SLC38A9: variants seen among roughly 807,000 people sequenced by gnomAD.
SLC38A9 encodes solute carrier family 38 member 9, also known as neutral amino acid transporter 9.
A neutral mutation model predicts 62.3 loss-of-function variants in SLC38A9; 48 were observed. The observed-to-expected ratio is 0.77, with a 90% CI of 0.61 to 0.98. The LOEUF is 0.98. Ranked by LOEUF, SLC38A9 falls within the 50% of genes least tolerant of loss-of-function variation. SLC38A9 has a pLI of 0.00. For synonymous variants in SLC38A9, 204 were observed against 227.7 expected, an observed-to-expected ratio of 0.90 and a Z score of 0.94; for missense variants, 541 against 679.8, an observed-to-expected ratio of 0.80 and a Z score of 2.27.
At chr5:55,671,013 C>G (rs1751221135) in intron 4 of SLC38A9, among the ~76,000 whole-genome samples, 1 of 152,170 alleles carries the variant, frequency 6.6e-6, no homozygotes, top group Admixed American at 6.5e-5. Flanking sequence ...TAGCTACATT[C>G]CAGTGATGCC....
chr5:55,659,680 G>A (rs568268478), intron 8 of SLC38A9, among the ~76,000 whole-genome samples: 1 of 152,066 alleles, frequency 6.6e-6, no homozygotes, highest in Non-Finnish European at 1.5e-5. Flanking sequence ...GAGCCACTAA[G>A]CCCAAACAGA....
chr5:55,689,234 C>T (rs3846504), intron 3 of SLC38A9, among the ~76,000 whole-genome samples: 91,167 of 151,988 alleles, frequency 0.6, 27,922 homozygotes, highest in South Asian at 0.7. Context: ...TATGATTTTA[C>T]AGAAAACATA....
chr5:55,687,205 C>T (rs1384520528), intron 3 of SLC38A9, among the ~76,000 whole-genome samples: 2 of 150,304 alleles, frequency 1.3e-5, no homozygotes, highest in African/African-American at 4.9e-5. Context: ...TTTGGGAGGC[C>T]GAGGCGGGCG....
intron 3 of SLC38A9, among the ~76,000 whole-genome samples, chr5:55,685,240 C>T (rs971179073): frequency 1.3e-5 from 2 of 152,190 alleles, no homozygotes; most frequent in African/African-American, 4.8e-5. Context: ...TTTTTACCAT[C>T]CCAAAAGAAG....
At chr5:55,687,192 C>T (rs1322831388) in intron 3 of SLC38A9, among the ~76,000 whole-genome samples, 1 of 150,864 alleles carries the variant, frequency 6.6e-6, no homozygotes, top group African/African-American at 2.4e-5. Context: ...GTAATCCCAG[C>T]ACTTTGGGAG....
At position 55,626,548 on chromosome 5, in the gene SLC38A9, G is replaced by C; in HGVS notation, c.1632C>G (p.His544Gln). 6.2e-7 allele frequency: 1 copy of C among 1,613,338 alleles called. No individual in the cohort carries two copies. Among genetic ancestry groups the C allele is most frequent in the Non-Finnish European group, 8.5e-7 (1 of 1,179,686 alleles). The change falls in exon 16 of 16, where the codon CAC becomes CAG. Residue 544 changes from histidine (H) to glutamine (Q), a missense_variant. Transcript: ENST00000396865. ...ERLTWPKLIF[H>Q]VFIIILGVAN... ...CCACGCCCAAAATGATGATGAAAAC[G>C]TGGAAGATTAATTTAGGCCATGTCA...
chr5:55,669,070 G>A (rs958008092), intron 7 of SLC38A9, 158 bp downstream of exon 7: 1 of 459,448 alleles, frequency 2.2e-6, no homozygotes, highest in African/African-American at 2.0e-5. Flanking sequence ...AATATTATTA[G>A]CAAATCAATT....
intron 12 of SLC38A9, among the ~76,000 whole-genome samples, chr5:55,637,983 TA>T (rs202140774): frequency 0.049 from 7,419 of 150,280 alleles, 310 homozygotes; most frequent in African/African-American, 0.12. Context: ...ACAATAATAA[TA>T]AAAAAAAAGA....
intron 3 of SLC38A9, among the ~76,000 whole-genome samples, chr5:55,681,731 G>A (rs1007133699): frequency 2.0e-5 from 3 of 152,186 alleles, no homozygotes; most frequent in African/African-American, 7.2e-5. Flanking sequence ...ACAGCAGTAC[G>A]AAGTACAAGT....
chr5:55,700,566 C>T (rs1422364969), intron 2 of SLC38A9, among the ~76,000 whole-genome samples: 1 of 151,686 alleles, frequency 6.6e-6, no homozygotes, highest in African/African-American at 2.4e-5. Context: ...AATAACTGAA[C>T]TAAAGGAAAG....
At chr5:55,643,383 G>T (rs987347975) in intron 12 of SLC38A9, among the ~76,000 whole-genome samples, 1 of 152,038 alleles carries the variant, frequency 6.6e-6, no homozygotes, top group Non-Finnish European at 1.5e-5. Context: ...ACTCCATTAT[G>T]GTTAGAGAAC....
rs34016533 is a variant in SLC38A9 at position 55,667,228 on chromosome 5, G to GTT, written c.526+1998_526+1999dup. 2.4e-3 allele frequency among the ~76,000 whole-genome samples: 357 copies of GTT among 151,226 alleles called. 1 individual carries two copies. Among genetic ancestry groups the GTT allele is most frequent in the African/African-American group, 6.7e-3 (277 of 41,138 alleles). ...TCTTCTAGTTTTTATATTATTTAGG[G>GTT]TTTTTTTTGCTGCATTTGACAATAT... On this transcript the variant is annotated intron_variant, in intron 7 of 15. Coordinates refer to ENST00000396865, the MANE Select transcript of SLC38A9 (RefSeq NM_173514.4).
intron 13 of SLC38A9, chr5:55,635,248 T>C: frequency 2.7e-6 from 1 of 373,252 alleles, no homozygotes; most frequent in Non-Finnish European, 5.0e-6. Flanking sequence ...GAGAAATATA[T>C]GTACATAATA....
chr5:55,676,350 A>T (rs1169491915), intron 3 of SLC38A9, among the ~76,000 whole-genome samples: 1 of 152,062 alleles, frequency 6.6e-6, no homozygotes, highest in Non-Finnish European at 1.5e-5. Context: ...TAATTAAAAA[A>T]AATTTTTTTA....
At chr5:55,670,253 C>T (rs7732835) in intron 4 of SLC38A9, among the ~76,000 whole-genome samples, 28,628 of 152,122 alleles carry the variant, frequency 0.19, 2,757 homozygotes, top group Middle Eastern at 0.22. Flanking sequence ...CAGGCGTAAG[C>T]CACCACGCCT....
intron 7 of SLC38A9, among the ~76,000 whole-genome samples, chr5:55,665,976 T>A (rs1040928944): frequency 6.6e-6 from 1 of 152,104 alleles, no homozygotes; most frequent in African/African-American, 2.4e-5. Flanking sequence ...ATATAAAATA[T>A]TTTTAGAAGA....
chr5:55,686,622 A>G (rs1753856648), intron 3 of SLC38A9, among the ~76,000 whole-genome samples: 2 of 124,840 alleles, frequency 1.6e-5, no homozygotes, highest in African/African-American at 5.5e-5. Flanking sequence ...TCTTTAGTTT[A>G]ATTAGATCCC....
intron 8 of SLC38A9, among the ~76,000 whole-genome samples, chr5:55,664,287 T>G (rs1005027547): frequency 2.6e-5 from 4 of 152,160 alleles, no homozygotes; most frequent in Non-Finnish European, 4.4e-5. Context: ...ATGTAAATAT[T>G]AATAATATAT....
chr5:55,680,329 T>C (rs1752824116), intron 3 of SLC38A9, among the ~76,000 whole-genome samples: 1 of 152,222 alleles, frequency 6.6e-6, no homozygotes, highest in African/African-American at 2.4e-5. Flanking sequence ...ATAGACTCTT[T>C]CTTGTTCCTT....
Sources: allele counts gnomAD v4.1 joint callset (sites outside exome capture counted in the v4.1 genomes callset), GRCh38; gene constraint gnomAD v4.1.1; transcripts MANE v1.5; gene names NCBI Gene and HGNC (gene_info 2026-07-23, HGNC 2026-07-21).